The following MDN1 variants were observed in gnomAD, a reference collection of about 807,000 sequenced individuals.
MDN1 encodes the protein midasin AAA ATPase 1, also known as midasin.
A neutral mutation model predicts 669.2 loss-of-function variants in MDN1; 266 were observed. That is an observed-to-expected ratio of 0.40 (90% CI 0.36 to 0.44). The LOEUF is 0.44. Ranked by LOEUF, MDN1 falls within the 20% of genes least tolerant of loss-of-function variation. MDN1 has a pLI of 1.00. For missense variants in MDN1, 5,940 were observed against 6,754.0 expected (o/e 0.88, Z 4.22); for synonymous variants, 2,385 against 2,457.1 (o/e 0.97, Z 0.87).
At chr6:89,715,221 C>T (rs549896869) in intron 45 of MDN1, among the ~76,000 whole-genome samples, 1 of 152,290 alleles carries the variant, frequency 6.6e-6, no homozygotes, top group Non-Finnish European at 1.5e-5. Context: ...CCAGTCTTCC[C>T]TTTCTCAATG....
At chr6:89,645,332 A>G (rs1052847019) in intron 100 of MDN1, among the ~76,000 whole-genome samples, 175 bp from the exon 101 acceptor site, 1 of 152,230 alleles carries the variant, frequency 6.6e-6, no homozygotes. Context: ...GATGAGATCT[A>G]TCCCTTAGAA....
chr6:89,706,195 G>C lies in MDN1; in HGVS notation c.8015-3C>G, dbSNP rs747321931. On this transcript the variant is annotated splice_region_variant and splice_polypyrimidine_tract_variant and intron_variant, in intron 52 of 101. Coordinates refer to ENST00000369393, the MANE Select transcript of MDN1 (RefSeq NM_014611.3). Reference sequence around the variant, plus strand: ...CAGAGTGTGATAGCTTTCTGGATCTGAGAGTCAACATAAATAAAATGAGAA... The same window carrying C: ...CAGAGTGTGATAGCTTTCTGGATCTCAGAGTCAACATAAATAAAATGAGAA... 1.9e-6 allele frequency: 3 copies of C among 1,606,324 alleles called. No individual in the cohort carries two copies. Among genetic ancestry groups the C allele is most frequent in the African/African-American group, 2.7e-5 (2 of 74,646 alleles).
In MDN1 at chr6:89,692,567, C is replaced by A. The variant is rs151053975; in HGVS notation, c.10463G>T (p.Gly3488Val). ...RSGGKELEGK[G>V]QKACPTREQL... The stretch of plus-strand genomic sequence containing the variant: ...CTCCCGAGTGGGACAGGCTTTCTGG[C>A]CCTTGCCTTCCAGCTCCTTTCCTCC... Residue 3488 changes from glycine (G) to valine (V), a missense_variant, in exon 63 of 102, where the codon GGC (glycine) becomes GTC (valine). Gly to Val is a moderately radical substitution (Grantham distance 109, BLOSUM62 -3). This residue lies in a region of MDN1 where 2,280 missense variants were observed against 2,576.3 expected (regional missense o/e 0.88). Transcript: ENST00000369393. 17 of 1,614,108 alleles carry A rather than the reference C, an allele frequency of 1.1e-5. No homozygotes were observed. Among genetic ancestry groups the A allele is most frequent in the Non-Finnish European group, 1.4e-5 (16 of 1,180,040 alleles).
chr6:89,692,194 C>T (rs796510284), intron 63 of MDN1, among the ~76,000 whole-genome samples: 2 of 152,036 alleles, frequency 1.3e-5, no homozygotes, highest in African/African-American at 4.8e-5. Flanking sequence ...AACTGACAAA[C>T]TGGGAGAAAA....
intron 73 of MDN1, among the ~76,000 whole-genome samples, chr6:89,681,086 T>C (rs563823970): frequency 1.8e-4 from 27 of 152,304 alleles, no homozygotes; most frequent in African/African-American, 6.3e-4. Flanking sequence ...CACATTGTGT[T>C]TCTCAGACAC....
intron 73 of MDN1, among the ~76,000 whole-genome samples, chr6:89,681,927 C>T (rs1811636489): frequency 2.6e-5 from 4 of 152,154 alleles, no homozygotes. Flanking sequence ...GCTGGGATTA[C>T]AGCCGTGAGC....
chr6:89,670,065 T>C lies in MDN1; in HGVS notation c.13956+854A>G, dbSNP rs370923568. ...TAAAAATACAAAAATTAGCCAGGCG[T>C]GGTGGCACGTGCCTGTAATCACGTG... is the stretch of plus-strand genomic sequence containing the variant. On this transcript the variant is annotated intron_variant, in intron 83 of 101. Coordinates refer to ENST00000369393, the MANE Select transcript of MDN1 (RefSeq NM_014611.3). Among the ~76,000 whole-genome samples the C allele has an allele frequency of 2.1e-5, 3 of 143,172 alleles. No individual in the cohort carries two copies. In the East Asian group the frequency reaches 6.6e-4, roughly 32 times the overall value. 93.9% of individuals were successfully genotyped at this position (143,172 alleles called of 152,430 possible). A position where few individuals can be genotyped will look rare whatever the true frequency, so the allele number is the denominator to read the frequency against.
chr6:89,788,046 G>T, intron 7 of MDN1, 89 bp from the exon 8 acceptor site: 1 of 1,135,218 alleles, frequency 8.8e-7, no homozygotes, highest in Non-Finnish European at 1.3e-6. Context: ...CAAAATGACA[G>T]ACACACCCTT....
In MDN1 at chr6:89,650,190, T is replaced by C. The variant is rs887908774; in HGVS notation, c.16040A>G (p.Tyr5347Cys). The change falls in exon 97 of 102, where the codon TAT (tyrosine) becomes TGT (cysteine). Residue 5347 changes from tyrosine (Y) to cysteine (C), a missense_variant. Physicochemically the swap from Tyr to Cys is radical, Grantham distance 194. Coordinates refer to ENST00000369393, the MANE Select transcript of MDN1 (RefSeq NM_014611.3). ...TATGTTTAGTCGTTTCCCAGTTCGA[T>C]AGTCTCCTCTATTTATTCAAATGGG... Reference protein sequence around the residue: ...PTQAAKLKGDYRTGKRLNIRK... With the variant: ...PTQAAKLKGDCRTGKRLNIRK... 2.5e-6 allele frequency: 4 copies of C among 1,613,808 alleles called. No individual in the cohort carries two copies. The highest frequency in any genetic ancestry group is 2.2e-5 in the East Asian group (1 of 44,884).
chr6:89,730,318 T>C (rs577940814), intron 35 of MDN1, among the ~76,000 whole-genome samples: 1 of 152,294 alleles, frequency 6.6e-6, no homozygotes, highest in South Asian at 2.1e-4. Flanking sequence ...TTACCAGCCT[T>C]CAAGGGTTCA....
At chr6:89,780,165 C>T in intron 11 of MDN1, 47 bp downstream of exon 11, 1 of 1,084,346 alleles carries the variant, frequency 9.2e-7, no homozygotes, top group Non-Finnish European at 1.3e-6. Context: ...CGGAAGTCAA[C>T]AGCCTTACAG....
intron 5 of MDN1, among the ~76,000 whole-genome samples, chr6:89,791,126 T>C (rs549934126): frequency 2.0e-5 from 3 of 152,172 alleles, no homozygotes; most frequent in African/African-American, 4.8e-5. Flanking sequence ...CCATGGGAAG[T>C]AGGGAATCAG....
Position 89,677,829 on chromosome 6 carries a change from A to G in MDN1, c.12413-133T>C, listed in dbSNP as rs1811316645. On this transcript the variant is annotated intron_variant, in intron 75 of 101. Transcript: ENST00000369393. ...GAGCTTGTTAGAAATGCAGACTCTC[A>G]GGCTGCACCCACACCAACTGAAACA... 4.3e-6 allele frequency: 5 copies of G among 1,174,364 alleles called. No homozygotes were observed. The South Asian group carries it at 7.2e-5, about 17-fold the overall frequency. The allele number at this position is 1,174,364 out of a possible 1,614,324, so 72.7% of individuals were successfully genotyped here.
At chr6:89,788,002 A>G in intron 7 of MDN1, 45 bp from the exon 8 acceptor site, 1 of 1,481,942 alleles carries the variant, frequency 6.7e-7, no homozygotes, top group Admixed American at 1.8e-5. Context: ...AAAGCTATTA[A>G]GACAGAAATA....
At chr6:89,780,929 G>A (rs948082629) in intron 10 of MDN1, among the ~76,000 whole-genome samples, 4 of 151,710 alleles carry the variant, frequency 2.6e-5, no homozygotes, top group East Asian at 1.9e-4. Context: ...GATTACAGGC[G>A]TGAGCCACCG....
At chr6:89,736,450 G>A (rs535864439) in intron 33 of MDN1, among the ~76,000 whole-genome samples, 26 of 152,298 alleles carry the variant, frequency 1.7e-4, no homozygotes, top group Admixed American at 2.6e-4. Flanking sequence ...AAGGAATCCA[G>A]CCCCGACACA....
At chr6:89,782,010 A>T (rs1252116208) in intron 9 of MDN1, among the ~76,000 whole-genome samples, 1 of 151,966 alleles carries the variant, frequency 6.6e-6, no homozygotes, top group Non-Finnish European at 1.5e-5. Flanking sequence ...TAAAAATGAA[A>T]AGAAATTTTG....
rs1448343500 is a variant in MDN1 at position 89,723,495 on chromosome 6, T to C, written c.5778+17A>G. ...ACAGCCAGAAAAAAAAAGAAACCAA[T>C]ACGTGTAGGTACTTACTTGGTTATT... On this transcript the variant is annotated intron_variant, in intron 39 of 101. Coordinates refer to ENST00000369393, the MANE Select transcript of MDN1 (RefSeq NM_014611.3). 1 of 1,384,972 alleles carries C rather than the reference T, an allele frequency of 7.2e-7. No individual in the cohort carries two copies. The highest frequency in any genetic ancestry group is 1.3e-5 in the South Asian group (1 of 77,906). The allele number at this position is 1,384,972 out of a possible 1,614,324, so 85.8% of individuals were successfully genotyped here. A position where few individuals can be genotyped will look rare whatever the true frequency, so the allele number is the denominator to read the frequency against.
At chr6:89,688,301 AAC>A in intron 66 of MDN1, 128 bp from the exon 67 acceptor site, 1 of 864,700 alleles carries the variant, frequency 1.2e-6, no homozygotes, top group South Asian at 1.7e-5. Context: ...TGAAAAAAAA[AAC>A]AGAGCAACAT....
Sources: gnomAD v4.1 joint callset for allele counts (sites outside exome capture counted in the v4.1 genomes callset) on GRCh38, gnomAD v4.1.1 for gene constraint, gnomAD v4.1.1 regional missense constraint, MANE v1.5 for transcripts, NCBI Gene and HGNC (gene_info 2026-07-23, HGNC 2026-07-21) for gene names.